The following GRIK2 variants were observed in gnomAD, a reference collection of about 807,000 sequenced individuals.
The protein encoded by GRIK2 is glutamate ionotropic receptor kainate type subunit 2, also known as glutamate receptor ionotropic, kainate 2.
Under a neutral mutation model 100.3 loss-of-function variants are expected in GRIK2, and 32 were observed. The observed-to-expected ratio is 0.32, with a 90% CI of 0.24 to 0.43. GRIK2 has a LOEUF of 0.43. Among genes scored for constraint, GRIK2 ranks in the 20% least tolerant of loss-of-function variants. The pLI is 1.00. For missense variants in GRIK2, 843 were observed against 1,114.9 expected, an observed-to-expected ratio of 0.76 and a Z score of 3.47; for synonymous variants, 417 against 389.4, an observed-to-expected ratio of 1.07 and a Z score of -0.83.
At chr6:101,936,841 T>C (rs1393019400) in intron 14 of GRIK2, among the ~76,000 whole-genome samples, 2 of 152,184 alleles carry the variant, frequency 1.3e-5, no homozygotes, top group Non-Finnish European at 2.9e-5. Flanking sequence ...CATTACACTT[T>C]ATCTATAGTG....
chr6:102,062,794 A>T (rs1210747212), intron 16 of GRIK2, among the ~76,000 whole-genome samples: 2 of 150,710 alleles, frequency 1.3e-5, no homozygotes, highest in African/African-American at 4.8e-5. Context: ...TATATTCACA[A>T]GAAAAAATTT....
At chr6:101,863,865 C>A (rs533577807) in intron 11 of GRIK2, among the ~76,000 whole-genome samples, 1 of 152,080 alleles carries the variant, frequency 6.6e-6, no homozygotes, top group South Asian at 2.1e-4. Context: ...TGGCCGGGCG[C>A]GGTGGCTCAC....
At chr6:101,551,624 T>A (rs1212364242) in intron 2 of GRIK2, among the ~76,000 whole-genome samples, 1 of 152,174 alleles carries the variant, frequency 6.6e-6, no homozygotes, top group Admixed American at 6.5e-5. Flanking sequence ...TGTCCCGCAC[T>A]GTTCTGGACT....
At chr6:101,624,741 T>A (rs1415373721) in intron 3 of GRIK2, among the ~76,000 whole-genome samples, 1 of 150,950 alleles carries the variant, frequency 6.6e-6, no homozygotes, top group Non-Finnish European at 1.5e-5. Context: ...CATGGTTTAC[T>A]TTTTTTTTGA....
At chr6:101,720,940 C>T (rs1044271139) in intron 7 of GRIK2, among the ~76,000 whole-genome samples, 2 of 151,904 alleles carry the variant, frequency 1.3e-5, no homozygotes, top group African/African-American at 4.8e-5. Flanking sequence ...TGTCTAGGTT[C>T]CTTCATCTTA....
intron 14 of GRIK2, among the ~76,000 whole-genome samples, chr6:102,003,539 G>A (rs963836740): frequency 4.0e-5 from 6 of 151,560 alleles, no homozygotes; most frequent in Admixed American, 6.6e-5. Flanking sequence ...ATAATTTAGT[G>A]ATTATTGTTA....
intron 7 of GRIK2, among the ~76,000 whole-genome samples, chr6:101,738,132 A>C (rs532221670): frequency 5.3e-5 from 8 of 152,296 alleles, no homozygotes; most frequent in African/African-American, 1.7e-4. Context: ...ACATAGGAAA[A>C]AATATACAAT....
chr6:101,697,986 T>A (rs1268688068), intron 7 of GRIK2, among the ~76,000 whole-genome samples: 1 of 152,100 alleles, frequency 6.6e-6, no homozygotes, highest in African/African-American at 2.4e-5. Flanking sequence ...GTACAGTTCA[T>A]CATTCTCAAA....
At chr6:101,654,438 C>A (rs530541418) in intron 4 of GRIK2, among the ~76,000 whole-genome samples, 1 of 152,250 alleles carries the variant, frequency 6.6e-6, no homozygotes, top group East Asian at 1.9e-4. Context: ...GCTAATAGAG[C>A]CTTTCCCAAG....
intron 7 of GRIK2, among the ~76,000 whole-genome samples, chr6:101,793,495 A>T (rs1780044908): frequency 6.6e-6 from 1 of 152,150 alleles, no homozygotes. Flanking sequence ...TTGCCTGGGT[A>T]TCAGCAGCAG....
intron 14 of GRIK2, among the ~76,000 whole-genome samples, chr6:101,982,020 G>T (rs1277636687): frequency 6.6e-6 from 1 of 151,772 alleles, no homozygotes; most frequent in Admixed American, 6.6e-5. Context: ...AACACTTTTT[G>T]AATAATTAGT....
chr6:102,006,390 A>ATTTATTTTTTT (rs1795236968), intron 14 of GRIK2, among the ~76,000 whole-genome samples: 1 of 114,104 alleles, frequency 8.8e-6, no homozygotes, highest in East Asian at 2.3e-4. Context: ...ATATATATAT[A>ATTTATTTTTTT]TTTTTTTTTT....
intron 14 of GRIK2, among the ~76,000 whole-genome samples, chr6:102,024,514 A>T (rs1769592097): frequency 6.6e-6 from 1 of 151,246 alleles, no homozygotes; most frequent in African/African-American, 2.4e-5. Flanking sequence ...AGAAGACTGT[A>T]GTAAAATAAA....
At chr6:101,917,929 A>T (rs540485471) in intron 12 of GRIK2, among the ~76,000 whole-genome samples, 3 of 151,582 alleles carry the variant, frequency 2.0e-5, no homozygotes, top group Non-Finnish European at 4.4e-5. Context: ...TATTCCTCGT[A>T]CTAGAATGTT....
intron 10 of GRIK2, among the ~76,000 whole-genome samples, chr6:101,827,560 C>T (rs116455115): frequency 6.6e-6 from 1 of 151,148 alleles, no homozygotes; most frequent in Admixed American, 6.6e-5. Flanking sequence ...CCCATAGACT[C>T]AAAATAAAAG....
In GRIK2 at chr6:101,818,395, GC is replaced by G. The variant is rs1238214647; in HGVS notation, c.1231del (p.Leu411Ter). 6.2e-7 allele frequency: 1 copy of G among 1,608,146 alleles called. No homozygotes were observed. The highest frequency in any genetic ancestry group is 1.7e-5 in the Admixed American group (1 of 59,986). ...ATTGGAACGTGGGATCCAGCCAGTGGCCTGAATATGACAGAAAGTCAAAAGG... is the reference window on the plus strand; with the variant it reads ...ATTGGAACGTGGGATCCAGCCAGTGGCTGAATATGACAGAAAGTCAAAAGG... ...EKIGTWDPAS[G>X]LNMTESQKGK... is the part of the protein sequence containing the mutation. On this transcript the variant is annotated frameshift_variant, in exon 10 of 17. Transcript: ENST00000369134. LOFTEE classifies it high-confidence loss of function.
intron 7 of GRIK2, among the ~76,000 whole-genome samples, chr6:101,694,216 G>C (rs958643890): frequency 6.6e-6 from 1 of 152,092 alleles, no homozygotes; most frequent in Non-Finnish European, 1.5e-5. Context: ...GAGGTAACAA[G>C]GCATTGAACT....
chr6:101,814,506 T>G (rs781646440), intron 9 of GRIK2, among the ~76,000 whole-genome samples: 3 of 152,086 alleles, frequency 2.0e-5, no homozygotes, highest in African/African-American at 4.8e-5. Context: ...TTATAAACCT[T>G]TATAATATAA....
At chr6:101,426,121 T>C (rs1776686575) in intron 2 of GRIK2, among the ~76,000 whole-genome samples, 1 of 152,312 alleles carries the variant, frequency 6.6e-6, no homozygotes, top group Admixed American at 6.5e-5. Flanking sequence ...TTCCAGTCTT[T>C]ATTAATAATC....
Sources: allele counts gnomAD v4.1 joint callset (sites outside exome capture counted in the v4.1 genomes callset), GRCh38; gene constraint gnomAD v4.1.1; transcripts MANE v1.5; gene names NCBI Gene and HGNC (gene_info 2026-07-23, HGNC 2026-07-21).